Variants in KCNMA1 observed in about 807,000 individuals in gnomAD.
The protein encoded by KCNMA1 is potassium calcium-activated channel subfamily M alpha 1, also known as Calcium-activated potassium channel subunit alpha-1.
KCNMA1 carries 29 observed loss-of-function variants against 140.0 expected under a neutral mutation model. The observed-to-expected ratio is 0.21, with a 90% CI of 0.15 to 0.28. The LOEUF (loss-of-function observed/expected upper bound fraction) is 0.28. KCNMA1 is among the 10% of genes least tolerant of loss of function. The probability of loss-of-function intolerance (pLI) is 1.00; values close to 1 mark genes in which losing one functional copy is unlikely to be tolerated. For missense variants in KCNMA1, 880 were observed against 1,602.2 expected (o/e 0.55, Z 7.70); for synonymous variants, 612 against 611.9 (o/e 1.00, Z 0.00).
At chr10:77,477,947 C>T (rs1033562449) in intron 1 of KCNMA1, among the ~76,000 whole-genome samples, 3 of 152,178 alleles carry the variant, frequency 2.0e-5, no homozygotes, top group African/African-American at 4.8e-5. Context: ...ATTTGGGTGT[C>T]ATTAGGGTCT....
At chr10:77,559,991 C>T (rs2065832986) in intron 1 of KCNMA1, among the ~76,000 whole-genome samples, 1 of 151,616 alleles carries the variant, frequency 6.6e-6, no homozygotes, top group African/African-American at 2.4e-5. Flanking sequence ...GCCTGACCAA[C>T]ATGGTGAAAC....
At chr10:77,099,731 A>G (rs533701285) in intron 9 of KCNMA1, among the ~76,000 whole-genome samples, 2 of 150,976 alleles carry the variant, frequency 1.3e-5, no homozygotes, top group African/African-American at 4.9e-5. Context: ...AAAAAAAAAG[A>G]AAAGGAAAAA....
chr10:77,288,482 C>T (rs2071851568), intron 2 of KCNMA1, among the ~76,000 whole-genome samples: 1 of 152,174 alleles, frequency 6.6e-6, no homozygotes, highest in Non-Finnish European at 1.5e-5. Context: ...TAACTTACAA[C>T]CAAAGGCTGG....
chr10:77,212,020 A>G (rs1333979027), intron 3 of KCNMA1, among the ~76,000 whole-genome samples: 1 of 152,212 alleles, frequency 6.6e-6, no homozygotes, highest in African/African-American at 2.4e-5. Context: ...TGTTCAGCCA[A>G]TGTGGAAAGC....
chr10:76,989,972 G>A (rs1157984264), intron 19 of KCNMA1, among the ~76,000 whole-genome samples: 1 of 152,158 alleles, frequency 6.6e-6, no homozygotes, highest in Admixed American at 6.5e-5. Context: ...GTTAATGAAG[G>A]ATGATAAAAA....
At chr10:77,236,787 C>T (rs1420962342) in intron 3 of KCNMA1, among the ~76,000 whole-genome samples, 1 of 152,144 alleles carries the variant, frequency 6.6e-6, no homozygotes, top group East Asian at 1.9e-4. Flanking sequence ...CCATCTTGGG[C>T]TGATCAATCT....
chr10:76,946,303 C>A (rs1211311118), intron 22 of KCNMA1, among the ~76,000 whole-genome samples: 1 of 152,164 alleles, frequency 6.6e-6, no homozygotes, highest in East Asian at 1.9e-4. Flanking sequence ...CTTCATTGGT[C>A]CTCTAGCTTG....
At chr10:77,198,816 A>T (rs2041553179) in intron 3 of KCNMA1, among the ~76,000 whole-genome samples, 1 of 152,052 alleles carries the variant, frequency 6.6e-6, no homozygotes, top group South Asian at 2.1e-4. Context: ...TCTAGTCCTA[A>T]CTCACAATTC....
chr10:76,934,496 A>G (rs901487400), intron 23 of KCNMA1, among the ~76,000 whole-genome samples: 2 of 152,228 alleles, frequency 1.3e-5, no homozygotes, highest in African/African-American at 4.8e-5. Flanking sequence ...ACTCTGCACA[A>G]GGAATACACT....
chr10:77,289,311 G>C (rs982633542), intron 2 of KCNMA1, among the ~76,000 whole-genome samples: 1 of 152,218 alleles, frequency 6.6e-6, no homozygotes, highest in African/African-American at 2.4e-5. Context: ...CTAAGTGTCT[G>C]AGAGGACCCC....
intron 1 of KCNMA1, among the ~76,000 whole-genome samples, chr10:77,566,341 T>C (rs936111259): frequency 6.6e-6 from 1 of 152,208 alleles, no homozygotes; most frequent in Non-Finnish European, 1.5e-5. Context: ...GAAAAGTCCC[T>C]CGGCAGAAGC....
At chr10:77,513,428 C>T (rs577527123) in intron 1 of KCNMA1, among the ~76,000 whole-genome samples, 14 of 152,196 alleles carry the variant, frequency 9.2e-5, no homozygotes, top group Non-Finnish European at 1.3e-4. Context: ...CCGTAGCTAT[C>T]GAATGCACTG....
At chr10:77,588,431 C>T (rs781760745) in intron 1 of KCNMA1, among the ~76,000 whole-genome samples, 24 of 152,224 alleles carry the variant, frequency 1.6e-4, no homozygotes, top group Admixed American at 7.2e-4. Context: ...AGTCCAGGGC[C>T]GTGGGACTGC....
At chr10:77,601,305 G>T (rs763294668) in intron 1 of KCNMA1, among the ~76,000 whole-genome samples, 6 of 152,112 alleles carry the variant, frequency 3.9e-5, no homozygotes, top group Non-Finnish European at 2.9e-5. Context: ...CCACCCCAAA[G>T]CCTCATGAGT....
intron 19 of KCNMA1, among the ~76,000 whole-genome samples, chr10:76,972,130 T>C (rs1479901712): frequency 6.6e-6 from 1 of 152,210 alleles, no homozygotes; most frequent in Non-Finnish European, 1.5e-5. Context: ...TGACCTAGAC[T>C]GGTTGTGTAG....
chr10:77,459,896 T>C (rs1603624948), intron 1 of KCNMA1, among the ~76,000 whole-genome samples: 1 of 152,168 alleles, frequency 6.6e-6, no homozygotes, highest in East Asian at 1.9e-4. Flanking sequence ...ACAATAACTT[T>C]CCAATATGGT....
At chr10:76,999,207 C>G (rs2085377337) in intron 19 of KCNMA1, among the ~76,000 whole-genome samples, 3 of 152,190 alleles carry the variant, frequency 2.0e-5, no homozygotes, top group Admixed American at 2.0e-4. Flanking sequence ...AGAAATCCCT[C>G]TAATTAAGAT....
At chr10:77,235,131 G>A (rs1330474332) in intron 3 of KCNMA1, among the ~76,000 whole-genome samples, 1 of 152,278 alleles carries the variant, frequency 6.6e-6, no homozygotes, top group South Asian at 2.1e-4. Flanking sequence ...TCTTTCCTGG[G>A]GTCCAGTCTG....
chr10:77,290,786 C>A (rs1262089059), intron 2 of KCNMA1, among the ~76,000 whole-genome samples: 1 of 152,100 alleles, frequency 6.6e-6, no homozygotes, highest in Non-Finnish European at 1.5e-5. Context: ...AAGACTTAAC[C>A]AGTACTTTTC....
Sources: allele counts gnomAD v4.1 joint callset (sites outside exome capture counted in the v4.1 genomes callset), GRCh38; gene constraint gnomAD v4.1.1; transcripts MANE v1.5; gene names NCBI Gene and HGNC (gene_info 2026-07-23, HGNC 2026-07-21).